CHGA: variants seen among roughly 807,000 people sequenced by gnomAD.
The protein encoded by CHGA is chromogranin-A.
A neutral mutation model predicts 54.4 loss-of-function variants in CHGA; 41 were observed. That is an observed-to-expected ratio of 0.75 (90% CI 0.59 to 0.98). The LOEUF is 0.98. CHGA is among the 50% of genes least tolerant of loss of function. The pLI is 0.00. For synonymous variants in CHGA, 249 were observed against 232.8 expected (o/e 1.07, Z -0.63); for missense variants, 576 against 582.3 (o/e 0.99, Z 0.11).
rs1464824727 is a variant in CHGA at position 92,932,566 on chromosome 14, G to GT, written c.1006dup (p.Trp336LeufsTer20). On this transcript the variant is annotated frameshift_variant, in exon 7 of 8. Coordinates refer to ENST00000216492, the MANE Select transcript of CHGA (RefSeq NM_001275.4). LOFTEE classifies it high-confidence loss of function. The surrounding 1 kb of genome is among the most constrained non-coding windows in gnomAD (Gnocchi z 5.3). ...AGGAGGAGGAGCGGCTCTCCAAGGA[G>GT]TGGGAGGACTCCAAACGCTGGAGCA... 1 of 1,559,786 alleles carries GT rather than the reference G, an allele frequency of 6.4e-7. No homozygotes were observed. The highest frequency in any genetic ancestry group is 1.9e-5 in the Admixed American group (1 of 51,620).
chr14:92,933,595 C>A (rs1887057728), intron 7 of CHGA, among the ~76,000 whole-genome samples: 1 of 152,106 alleles, frequency 6.6e-6, no homozygotes, highest in African/African-American at 2.4e-5. Flanking sequence ...GGAACCCAGG[C>A]TCTGTGGGAA....
Position 92,923,341 on chromosome 14 carries a change from C to G in CHGA, c.-19C>G. 1 of 1,322,606 alleles carries G rather than the reference C, an allele frequency of 7.6e-7. No individual in the cohort carries two copies. Among genetic ancestry groups the G allele is most frequent in the South Asian group, 2.1e-5 (1 of 46,642 alleles). The allele number at this position is 1,322,606 out of a possible 1,614,324, so 81.9% of individuals were successfully genotyped here. A position where few individuals can be genotyped will look rare whatever the true frequency, so the allele number is the denominator to read the frequency against. On this transcript the variant is annotated 5_prime_UTR_variant, in exon 1 of 8. Coordinates refer to ENST00000216492, the MANE Select transcript of CHGA (RefSeq NM_001275.4). ...GTGCCCGGCCCCACACCGCCAGCTG[C>G]TCGGCGCCCGGGTCCGCCATGCGCT...
intron 5 of CHGA, among the ~76,000 whole-genome samples, chr14:92,931,018 T>G (rs987861127): frequency 6.6e-6 from 1 of 152,278 alleles, no homozygotes; most frequent in African/African-American, 2.4e-5. Flanking sequence ...TTTTTGTTTT[T>G]GTTCTTTGAA....
At chr14:92,927,953 G>C (rs753753989) in intron 4 of CHGA, among the ~76,000 whole-genome samples, 2 of 152,178 alleles carry the variant, frequency 1.3e-5, no homozygotes, top group Non-Finnish European at 2.9e-5. Context: ...TGATATTCAA[G>C]CCAAGCCTGG....
intron 3 of CHGA, among the ~76,000 whole-genome samples, chr14:92,927,042 C>G (rs1886899985): frequency 6.6e-6 from 1 of 152,228 alleles, no homozygotes; most frequent in African/African-American, 2.4e-5. Context: ...CTGGCCTCTG[C>G]AGACACCCTC....
At chr14:92,925,526 C>T (rs1369129271) in intron 2 of CHGA, among the ~76,000 whole-genome samples, 1 of 152,206 alleles carries the variant, frequency 6.6e-6, no homozygotes, top group Non-Finnish European at 1.5e-5. Context: ...TGACTACATG[C>T]ATTATACAGC....
At position 92,923,757 on chromosome 14, in the gene CHGA, C is replaced by G. The variant is rs188364289; in HGVS notation, c.46+352C>G. 7.2e-5 allele frequency among the ~76,000 whole-genome samples: 11 copies of G among 152,314 alleles called. No individual in the cohort carries two copies. The East Asian group carries it at 2.1e-3, about 29-fold the overall frequency. On this transcript the variant is annotated intron_variant, in intron 1 of 7. Transcript: ENST00000216492. ...CATGGCTGCTCGCAACCCTCCACCC[C>G]TCTTCCCCTTTCATCTCACGCTCCC...
rs183255929 is a variant in CHGA at position 92,934,632 on chromosome 14, C to T, written c.1291-169C>T. 3.4e-3 allele frequency among the ~76,000 whole-genome samples: 524 copies of T among 152,282 alleles called. 2 individuals carry two copies. The highest frequency in any genetic ancestry group is 0.018 in the South Asian group (85 of 4,816). On this transcript the variant is annotated intron_variant, in intron 7 of 7. Coordinates refer to ENST00000216492, the MANE Select transcript of CHGA (RefSeq NM_001275.4). The stretch of plus-strand genomic sequence containing the variant: ...GCCACCTTCTTGTGCATAATGATCC[C>T]GAGAGCAGTACAGTAAGCTCATTAT...
Position 92,923,258 on chromosome 14 carries a change from G to T in CHGA, c.-102G>T, listed in dbSNP as rs922975898. ...GGCACTGCGCCCCCAGCCCCGCGCC[G>T]GTGCCACCGCAGCCCGACCCCGGCC... On this transcript the variant is annotated 5_prime_UTR_variant, in exon 1 of 8. Coordinates refer to ENST00000216492, the MANE Select transcript of CHGA (RefSeq NM_001275.4). The T allele has an allele frequency of 5.6e-5, 62 of 1,102,024 alleles. No individual in the cohort carries two copies. The African/African-American group carries it at 9.5e-4, about 17-fold the overall frequency. The allele number at this position is 1,102,024 out of a possible 1,614,324, so 68.3% of individuals were successfully genotyped here. A position where few individuals can be genotyped will look rare whatever the true frequency, so the allele number is the denominator to read the frequency against.
intron 6 of CHGA, 89 bp downstream of exon 6, chr14:92,931,791 T>C: frequency 7.7e-7 from 1 of 1,298,064 alleles, no homozygotes; most frequent in Non-Finnish European, 1.1e-6. Context: ...CATTCCACCT[T>C]CATAACAACC....
intron 6 of CHGA, 31 bp downstream of exon 6, chr14:92,931,733 G>A (rs9658656): frequency 0.1 from 157,004 of 1,529,400 alleles, 9,848 homozygotes; most frequent in East Asian, 0.25. Flanking sequence ...CTCAACGAAC[G>A]TGTCTGGGAG....
chr14:92,928,512 C>A (rs1303006646), intron 4 of CHGA, among the ~76,000 whole-genome samples: 1 of 152,222 alleles, frequency 6.6e-6, no homozygotes, highest in Admixed American at 6.5e-5. Context: ...CTGGGCACAG[C>A]TGGGACTATT....
intron 5 of CHGA, 148 bp from the exon 6 acceptor site, chr14:92,931,102 T>C (rs1886984004): frequency 2.8e-6 from 2 of 719,060 alleles, no homozygotes; most frequent in Non-Finnish European, 4.5e-6. Context: ...AGCCTGGACA[T>C]GGACAGAGGG....
chr14:92,932,949 G>GC lies in CHGA; in HGVS notation c.1290+105dup, dbSNP rs200557979. 2,685 of 1,426,020 alleles carry GC rather than the reference G, an allele frequency of 1.9e-3. 45 individuals carry two copies. The African/African-American group carries it at 0.034, about 18-fold the overall frequency. The allele number at this position is 1,426,020 out of a possible 1,614,324, so 88.3% of individuals were successfully genotyped here. A position where few individuals can be genotyped will look rare whatever the true frequency, so the allele number is the denominator to read the frequency against. ...GCCCCTGCCCCACTGAGGGGACAGG[G>GC]CCCCCCCGCCGAAGTCTGGGGATGG... On this transcript the variant is annotated intron_variant, in intron 7 of 7. Coordinates refer to ENST00000216492, the MANE Select transcript of CHGA (RefSeq NM_001275.4). The surrounding 1 kb of genome is among the most constrained non-coding windows in gnomAD (Gnocchi z 5.3).
At position 92,934,883 on chromosome 14, in the gene CHGA, G is replaced by A; in HGVS notation, c.1373G>A (p.Ter458=). 1 of 1,561,974 alleles carries A rather than the reference G, an allele frequency of 6.4e-7. No individual in the cohort carries two copies. Among genetic ancestry groups the A allele is most frequent in the South Asian group, 1.2e-5 (1 of 83,608 alleles). The part of the protein sequence containing the change: ...AHQLQALRRG[*] ...CAGCTGCAGGCACTACGGCGGGGCT[G>A]AGACACCGGCTGGCAGGGCTGGCCC... Residue 458 remains the stop codon, a stop_retained_variant, in exon 8 of 8, where the codon TGA becomes TAA. Coordinates refer to ENST00000216492, the MANE Select transcript of CHGA (RefSeq NM_001275.4).
At chr14:92,930,841 C>A (rs961886634) in intron 5 of CHGA, among the ~76,000 whole-genome samples, 1 of 152,186 alleles carries the variant, frequency 6.6e-6, no homozygotes, top group African/African-American at 2.4e-5. Context: ...CAGAATTGAG[C>A]CCTTTCACAG....
chr14:92,925,179 A>C (rs1168344630), intron 2 of CHGA, among the ~76,000 whole-genome samples: 1 of 152,136 alleles, frequency 6.6e-6, no homozygotes, highest in African/African-American at 2.4e-5. Flanking sequence ...GGGAGGTGTA[A>C]AGAGTAGGAA....
In CHGA at chr14:92,935,114, C is replaced by T. The variant is rs1488444115; in HGVS notation, c.*230C>T. ...GCAGCCCCACAACTTTAAACATTGA[C>T]GATTCCTTCTCTGAACACAGGCAGC... On this transcript the variant is annotated 3_prime_UTR_variant, in exon 8 of 8. Transcript: ENST00000216492. The T allele has an allele frequency of 1.2e-5, 6 of 502,430 alleles. No individual in the cohort carries two copies. Among genetic ancestry groups the T allele is most frequent in the East Asian group, 1.1e-4 (3 of 28,434 alleles). 31.1% of individuals were successfully genotyped at this position (502,430 alleles called of 1,614,324 possible).
At chr14:92,929,206 C>T (rs372091483) in intron 4 of CHGA, among the ~76,000 whole-genome samples, 4 of 152,344 alleles carry the variant, frequency 2.6e-5, no homozygotes, top group Admixed American at 6.5e-5. Flanking sequence ...GCCTTCTCCC[C>T]GGGCCTGGAC....
Sources: allele counts gnomAD v4.1 joint callset (sites outside exome capture counted in the v4.1 genomes callset), GRCh38; gene constraint gnomAD v4.1.1; non-coding constraint Gnocchi (gnomAD v3.1); transcripts MANE v1.5; gene names NCBI Gene and HGNC (gene_info 2026-07-23, HGNC 2026-07-21).